EDIL3: variants seen among roughly 807,000 people sequenced by gnomAD.
EDIL3 encodes EGF-like repeat and discoidin I-like domain-containing protein 3.
EDIL3 carries 37 observed loss-of-function variants against 67.4 expected under a neutral mutation model. That is an observed-to-expected ratio of 0.55 (90% CI 0.42 to 0.72). The LOEUF is 0.72. EDIL3 is among the 30% of genes least tolerant of loss of function. The pLI is 0.00. For synonymous variants in EDIL3, 195 were observed against 196.3 expected, an observed-to-expected ratio of 0.99 and a Z score of 0.05; for missense variants, 527 against 586.3, an observed-to-expected ratio of 0.90 and a Z score of 1.04.
chr5:84,248,450 C>T (rs533186020), intron 2 of EDIL3, among the ~76,000 whole-genome samples: 4 of 152,144 alleles, frequency 2.6e-5, no homozygotes, highest in Admixed American at 6.5e-5. Context: ...ATATTGATGG[C>T]CTCTTACCGC....
At chr5:84,354,934 C>T (rs1200918944) in intron 1 of EDIL3, among the ~76,000 whole-genome samples, 1 of 151,882 alleles carries the variant, frequency 6.6e-6, no homozygotes, top group Non-Finnish European at 1.5e-5. Flanking sequence ...TTCATTTCAC[C>T]CTTGGTGAAT....
In EDIL3 at chr5:84,280,341, A is replaced by T. The variant is rs1269706350; in HGVS notation, c.68-26129T>A. Among the ~76,000 whole-genome samples the T allele has an allele frequency of 1.3e-5, 2 of 152,124 alleles. 1 individual carries two copies. The highest frequency in any genetic ancestry group is 4.8e-5 in the African/African-American group (2 of 41,428). On this transcript the variant is annotated intron_variant, in intron 1 of 10. Coordinates refer to ENST00000296591, the MANE Select transcript of EDIL3 (RefSeq NM_005711.5). ...TCATGATCTCTAGAAGCATTCATTC[A>T]ATGGTGACTATTTTACTAGTATATT... is the stretch of plus-strand genomic sequence containing the variant.
intron 6 of EDIL3, among the ~76,000 whole-genome samples, chr5:84,096,767 G>A (rs1747271340): frequency 6.6e-6 from 1 of 152,168 alleles, no homozygotes; most frequent in Non-Finnish European, 1.5e-5. Flanking sequence ...GTCTGGCTCT[G>A]TGCCCCCATC....
At chr5:84,162,374 C>A (rs752040922) in intron 4 of EDIL3, among the ~76,000 whole-genome samples, 3 of 152,050 alleles carry the variant, frequency 2.0e-5, no homozygotes, top group Admixed American at 6.6e-5. Context: ...TGAGTTAAGG[C>A]GATATTCTCT....
intron 4 of EDIL3, among the ~76,000 whole-genome samples, chr5:84,153,952 A>C (rs951324209): frequency 1.3e-5 from 2 of 152,096 alleles, no homozygotes; most frequent in Non-Finnish European, 2.9e-5. Flanking sequence ...AGAGATCTAG[A>C]GTGGGCTACA....
chr5:84,093,234 T>A (rs967263714), intron 6 of EDIL3, among the ~76,000 whole-genome samples: 4 of 152,072 alleles, frequency 2.6e-5, no homozygotes, highest in Non-Finnish European at 5.9e-5. Flanking sequence ...AGTCAATTAC[T>A]GACATCTATT....
At chr5:84,051,223 C>T (rs777643168) in intron 9 of EDIL3, among the ~76,000 whole-genome samples, 6 of 152,214 alleles carry the variant, frequency 3.9e-5, no homozygotes, top group Non-Finnish European at 7.3e-5. Flanking sequence ...AGACCTCCAG[C>T]AAACTCCAAC....
chr5:84,176,513 G>A (rs976328842), intron 4 of EDIL3, among the ~76,000 whole-genome samples: 1 of 151,220 alleles, frequency 6.6e-6, no homozygotes, highest in Non-Finnish European at 1.5e-5. Flanking sequence ...AGAATGTACA[G>A]AATGCCTTCT....
At chr5:84,050,608 C>A (rs1297129097) in intron 9 of EDIL3, among the ~76,000 whole-genome samples, 1 of 152,184 alleles carries the variant, frequency 6.6e-6, no homozygotes, top group Non-Finnish European at 1.5e-5. Flanking sequence ...TCCGGTCACT[C>A]CCACCCTAAT....
At position 84,177,343 on chromosome 5, in the gene EDIL3, C is replaced by G. The variant is rs146510443; in HGVS notation, c.355+3050G>C. ...GTGAAAAAAAATCAGTCTTAAAAGG[C>G]TACATACTATGTGATTTCAATTACA... On this transcript the variant is annotated intron_variant, in intron 4 of 10. Coordinates refer to ENST00000296591, the MANE Select transcript of EDIL3 (RefSeq NM_005711.5). 9.5e-3 allele frequency among the ~76,000 whole-genome samples: 1,446 copies of G among 152,204 alleles called. 9 individuals carry two copies. The highest frequency in any genetic ancestry group is 0.031 in the Middle Eastern group (9 of 294).
chr5:84,319,277 G>C lies in EDIL3; in HGVS notation c.67+65031C>G. On this transcript the variant is annotated intron_variant, in intron 1 of 10. Transcript: ENST00000296591. ...CACGAGGTCAGGAGATCGAGACCAC[G>C]GTGAAACCCCGTCTCTACTAAAAAT... 2.6e-5 allele frequency among the ~76,000 whole-genome samples: 2 copies of C among 78,274 alleles called. 1 individual carries two copies. Among genetic ancestry groups the C allele is most frequent in the Non-Finnish European group, 6.0e-5 (2 of 33,272 alleles). 51.4% of individuals were successfully genotyped at this position (78,274 alleles called of 152,430 possible).
chr5:84,187,964 T>C (rs1743499696), intron 3 of EDIL3, among the ~76,000 whole-genome samples: 1 of 152,056 alleles, frequency 6.6e-6, no homozygotes, highest in African/African-American at 2.4e-5. Context: ...TATTTTATGA[T>C]ACTATCTCAA....
chr5:84,012,924 T>C (rs531391943), intron 9 of EDIL3, among the ~76,000 whole-genome samples: 8 of 152,168 alleles, frequency 5.3e-5, no homozygotes, highest in Non-Finnish European at 7.4e-5. Flanking sequence ...CTATTAGGTA[T>C]ATTATCATTT....
chr5:84,289,970 A>G (rs146391545), intron 1 of EDIL3, among the ~76,000 whole-genome samples: 3 of 152,304 alleles, frequency 2.0e-5, no homozygotes, highest in African/African-American at 7.2e-5. Context: ...TGCCTAATGA[A>G]AAGAATTAAG....
chr5:84,177,431 A>G (rs1301221415), intron 4 of EDIL3, among the ~76,000 whole-genome samples: 2 of 152,184 alleles, frequency 1.3e-5, no homozygotes, highest in Admixed American at 1.3e-4. Context: ...AGGTTGAGAG[A>G]AGTAGGAAAG....
intron 3 of EDIL3, among the ~76,000 whole-genome samples, chr5:84,205,247 T>C (rs1388551035): frequency 6.6e-6 from 1 of 152,110 alleles, no homozygotes; most frequent in African/African-American, 2.4e-5. Flanking sequence ...ATAACATATA[T>C]ATATATACCT....
chr5:84,254,258 G>A (rs1213190169), intron 1 of EDIL3, 46 bp from the exon 2 acceptor site: 2 of 1,565,452 alleles, frequency 1.3e-6, no homozygotes. Context: ...TTTTTGTCTT[G>A]GACATTGAAA....
At chr5:83,952,602 A>G (rs1437849449) in intron 10 of EDIL3, among the ~76,000 whole-genome samples, 1 of 151,828 alleles carries the variant, frequency 6.6e-6, no homozygotes, top group Non-Finnish European at 1.5e-5. Flanking sequence ...TGAGAAATGT[A>G]GAAATGCCTT....
intron 1 of EDIL3, among the ~76,000 whole-genome samples, chr5:84,309,332 G>A (rs191038640): frequency 5.0e-5 from 6 of 120,138 alleles, no homozygotes; most frequent in African/African-American, 1.3e-4. Flanking sequence ...TTTTTTTGGC[G>A]ATTTCTTTTC....
Sources: gnomAD v4.1 joint callset for allele counts (sites outside exome capture counted in the v4.1 genomes callset) on GRCh38, gnomAD v4.1.1 for gene constraint, MANE v1.5 for transcripts, NCBI Gene and HGNC (gene_info 2026-07-23, HGNC 2026-07-21) for gene names.